NIPAL3: variants seen among roughly 807,000 people sequenced by gnomAD.
NIPAL3 encodes NIPA like domain containing 3, also known as NIPA-like protein 3.
Under a neutral mutation model 47.2 loss-of-function variants are expected in NIPAL3, and 41 were observed. The observed-to-expected ratio is 0.87, with a 90% CI of 0.68 to 1.13. NIPAL3 has a LOEUF of 1.13. Among genes scored for constraint, NIPAL3 ranks in the 50% most tolerant of loss-of-function variants. NIPAL3 has a pLI of 0.00. For missense variants in NIPAL3, 449 were observed against 530.1 expected (o/e 0.85, Z 1.50); for synonymous variants, 194 against 209.6 (o/e 0.93, Z 0.64).
chr1:24,446,740 A>G (rs1645688583), intron 5 of NIPAL3, among the ~76,000 whole-genome samples: 1 of 152,188 alleles, frequency 6.6e-6, no homozygotes, highest in Admixed American at 6.5e-5. Flanking sequence ...ATATGTGCAC[A>G]TGTATCTTTA....
At chr1:24,413,911 G>A (rs895312494), upstream of NIPAL3, 3 of 152,254 alleles carry the variant, frequency 2.0e-5, no homozygotes, top group African/African-American at 7.2e-5. Flanking sequence ...CTGTAGCGGG[G>A]TGGGGAACTA....
At chr1:24,460,367 T>G in intron 9 of NIPAL3, 114 bp from the exon 10 acceptor site, 1 of 808,336 alleles carries the variant, frequency 1.2e-6, no homozygotes, top group Non-Finnish European at 2.0e-6. Context: ...CAGTCATAAG[T>G]TTTGATCATT....
chr1:24,457,944 A>G (rs1646298998), intron 8 of NIPAL3: 31 of 433,270 alleles, frequency 7.2e-5, no homozygotes, highest in South Asian at 5.5e-4. Context: ...CTGCCAGTCA[A>G]AGGCCCTGTG....
At chr1:24,435,860 T>C (rs1421668499) in intron 2 of NIPAL3, among the ~76,000 whole-genome samples, 1 of 152,118 alleles carries the variant, frequency 6.6e-6, no homozygotes, top group Non-Finnish European at 1.5e-5. Context: ...TACCATAAAC[T>C]GAGTAGCTTA....
intron 1 of NIPAL3, among the ~76,000 whole-genome samples, chr1:24,418,059 A>G (rs1311986855): frequency 6.6e-6 from 1 of 152,244 alleles, no homozygotes; most frequent in East Asian, 1.9e-4. Context: ...TGATTTCATC[A>G]AATTCTCATG....
chr1:24,416,081 C>G lies in NIPAL3; in HGVS notation c.-258+177C>G, dbSNP rs1230581442. 3 of 985,460 alleles carry G rather than the reference C, an allele frequency of 3.0e-6. No individual in the cohort carries two copies. The highest frequency in any genetic ancestry group is 6.2e-5 in the Admixed American group (1 of 16,258). 61.0% of individuals were successfully genotyped at this position (985,460 alleles called of 1,614,324 possible). A position where few individuals can be genotyped will look rare whatever the true frequency, so the allele number is the denominator to read the frequency against. ...TGTTCTTTCCAGTTTTGCATCGAGG[C>G]CAAGAGGAGCGGGGGCATGGGCTAC... On this transcript the variant is annotated intron_variant, in intron 1 of 11. Coordinates refer to ENST00000374399, the MANE Select transcript of NIPAL3 (RefSeq NM_020448.5). The surrounding 1 kb of genome is among the most constrained non-coding windows in gnomAD (Gnocchi z 4.8).
intron 6 of NIPAL3, among the ~76,000 whole-genome samples, chr1:24,450,744 C>T (rs1645897895): frequency 6.6e-6 from 1 of 152,224 alleles, no homozygotes; most frequent in Admixed American, 6.5e-5. Flanking sequence ...GCCTCAGGTG[C>T]CATCTTCCTT....
At chr1:24,441,083 A>G (rs1645360775) in intron 3 of NIPAL3, among the ~76,000 whole-genome samples, 1 of 152,138 alleles carries the variant, frequency 6.6e-6, no homozygotes, top group Admixed American at 6.5e-5. Context: ...AAACCCAGAT[A>G]AGACTTGGTA....
intron 2 of NIPAL3, among the ~76,000 whole-genome samples, chr1:24,426,093 G>T (rs192641254): frequency 3.7e-4 from 57 of 152,252 alleles, no homozygotes; most frequent in Admixed American, 1.4e-3. Flanking sequence ...CGAAACTGGC[G>T]CAGAGAGGTT....
At chr1:24,427,574 C>A (rs1174752051) in intron 2 of NIPAL3, among the ~76,000 whole-genome samples, 1 of 151,484 alleles carries the variant, frequency 6.6e-6, no homozygotes, top group African/African-American at 2.4e-5. Context: ...TTTTTTTTTC[C>A]TAATTGATTG....
intron 2 of NIPAL3, among the ~76,000 whole-genome samples, chr1:24,421,044 G>A (rs767485183): frequency 6.6e-6 from 1 of 152,202 alleles, no homozygotes; most frequent in African/African-American, 2.4e-5. Context: ...GAGGCCAGGT[G>A]TGGTGGTTCA....
intron 2 of NIPAL3, among the ~76,000 whole-genome samples, chr1:24,422,392 T>C (rs909010436): frequency 6.6e-6 from 1 of 152,114 alleles, no homozygotes; most frequent in African/African-American, 2.4e-5. Context: ...TGCCTCAGTT[T>C]CTGTCTCTGT....
At chr1:24,460,678 TC>T (rs1646430805) in intron 10 of NIPAL3, 134 bp downstream of exon 10, 4 of 649,272 alleles carry the variant, frequency 6.2e-6, no homozygotes, top group Non-Finnish European at 1.0e-5. Flanking sequence ...TGGAGCTTTG[TC>T]CCCAGAGGTG....
At chr1:24,442,818 C>A (rs1337210336) in intron 4 of NIPAL3, among the ~76,000 whole-genome samples, 1 of 152,028 alleles carries the variant, frequency 6.6e-6, no homozygotes, top group Non-Finnish European at 1.5e-5. Flanking sequence ...AAAAGAAAAA[C>A]AATTAGCTGG....
chr1:24,418,994 G>A (rs993031273), intron 1 of NIPAL3, among the ~76,000 whole-genome samples: 2 of 151,578 alleles, frequency 1.3e-5, no homozygotes, highest in African/African-American at 2.4e-5. Context: ...GAAAAAGGGA[G>A]GATTTAAGTT....
rs1644038127 is a variant in NIPAL3 at position 24,416,419 on chromosome 1, G to A, written c.-258+515G>A. On this transcript the variant is annotated intron_variant, in intron 1 of 11. Coordinates refer to ENST00000374399, the MANE Select transcript of NIPAL3 (RefSeq NM_020448.5). This position sits in a 1 kb window ranked among gnomAD's most constrained non-coding sequence, Gnocchi z 4.8. ...ACCTCCAGAAGCCAGATCGTCGGGT[G>A]GTGGGAAAGAGCGTGTTTTATTGAT... is the stretch of plus-strand genomic sequence containing the variant. The A allele has an allele frequency of 1.2e-6, 1 of 804,458 alleles. No homozygotes were observed. Among genetic ancestry groups the A allele is most frequent in the Non-Finnish European group, 1.5e-6 (1 of 664,790 alleles). The allele number at this position is 804,458 out of a possible 1,614,324, so 49.8% of individuals were successfully genotyped here.
chr1:24,415,987 C>T (rs976189897), intron 1 of NIPAL3, 83 bp downstream of exon 1: 2 of 985,320 alleles, frequency 2.0e-6, no homozygotes, highest in Non-Finnish European at 2.4e-6. Flanking sequence ...CACCTAACGT[C>T]CCCTAGTGTA....
chr1:24,437,735 G>A (rs1166443403), intron 2 of NIPAL3, among the ~76,000 whole-genome samples: 2 of 152,152 alleles, frequency 1.3e-5, no homozygotes, highest in Non-Finnish European at 2.9e-5. Context: ...CAGAGAAAGA[G>A]ATTCTGGGCT....
At position 24,453,389 on chromosome 1, in the gene NIPAL3, T is replaced by C. The variant is rs777098846; in HGVS notation, c.541-19T>C. 6.9e-6 allele frequency: 11 copies of C among 1,605,798 alleles called. No individual in the cohort carries two copies. Among genetic ancestry groups the C allele is most frequent in the Middle Eastern group, 1.7e-4 (1 of 6,060 alleles). On this transcript the variant is annotated intron_variant, in intron 6 of 11. Coordinates refer to ENST00000374399, the MANE Select transcript of NIPAL3 (RefSeq NM_020448.5). Reference sequence around the variant, plus strand: ...CTTCTGTGGTCCCCACTGACCCCCCTGCTTGCTGCCTTCCACAGCTGGTGG... The same window carrying C: ...CTTCTGTGGTCCCCACTGACCCCCCCGCTTGCTGCCTTCCACAGCTGGTGG...
Sources: allele counts gnomAD v4.1 joint callset (sites outside exome capture counted in the v4.1 genomes callset), GRCh38; gene constraint gnomAD v4.1.1; non-coding constraint Gnocchi (gnomAD v3.1); transcripts MANE v1.5; gene names NCBI Gene and HGNC (gene_info 2026-07-23, HGNC 2026-07-21).